Variants in TBC1D5 observed in about 807,000 individuals in gnomAD.
TBC1D5 encodes TBC1 domain family, member 5.
TBC1D5 carries 75 observed loss-of-function variants against 100.3 expected under a neutral mutation model. That is an observed-to-expected ratio of 0.75 (90% CI 0.62 to 0.91). TBC1D5 has a LOEUF of 0.91. Among genes scored for constraint, TBC1D5 ranks in the 40% least tolerant of loss-of-function variants. TBC1D5 has a pLI of 0.00. For synonymous variants in TBC1D5, 323 were observed against 325.6 expected (o/e 0.99, Z 0.09); for missense variants, 910 against 942.4 (o/e 0.97, Z 0.45).
intron 8 of TBC1D5, among the ~76,000 whole-genome samples, chr3:17,387,574 C>T (rs1311625599): frequency 6.6e-6 from 1 of 151,794 alleles, no homozygotes; most frequent in Non-Finnish European, 1.5e-5. Context: ...AGTAGCATTT[C>T]TAGGAATAGT....
intron 15 of TBC1D5, among the ~76,000 whole-genome samples, chr3:17,266,679 G>T (rs1344907247): frequency 1.3e-5 from 2 of 152,038 alleles, no homozygotes; most frequent in Non-Finnish European, 2.9e-5. Context: ...AATTAATACA[G>T]ATTTTCATTA....
At chr3:17,316,871 G>C (rs1239943097) in intron 13 of TBC1D5, among the ~76,000 whole-genome samples, 1 of 152,154 alleles carries the variant, frequency 6.6e-6, no homozygotes, top group Admixed American at 6.5e-5. Flanking sequence ...TTGATCATAA[G>C]ACTGGTATGA....
intron 13 of TBC1D5, among the ~76,000 whole-genome samples, chr3:17,362,483 CTT>C (rs566034115): frequency 6.8e-6 from 1 of 146,876 alleles, no homozygotes. Context: ...CGTAGACTGA[CTT>C]TTTTTTTTTT....
chr3:17,365,181 T>C (rs1028365680), intron 13 of TBC1D5, among the ~76,000 whole-genome samples: 19 of 152,326 alleles, frequency 1.2e-4, no homozygotes, highest in Middle Eastern at 3.4e-3. Flanking sequence ...TCTTACTGGT[T>C]ACATTGCTTT....
intron 19 of TBC1D5, among the ~76,000 whole-genome samples, chr3:17,171,152 G>GT (rs2067137243): frequency 1.3e-5 from 2 of 152,144 alleles, no homozygotes; most frequent in Admixed American, 1.3e-4. Context: ...GCTTGCAGGG[G>GT]TAAGTTGAGA....
chr3:17,347,149 C>T (rs1294898650), intron 13 of TBC1D5, among the ~76,000 whole-genome samples: 2 of 152,062 alleles, frequency 1.3e-5, no homozygotes, highest in African/African-American at 4.8e-5. Flanking sequence ...GCCCAGGAGT[C>T]AGAGATAAGG....
intron 4 of TBC1D5, among the ~76,000 whole-genome samples, chr3:17,409,293 G>A (rs2093857934): frequency 6.6e-6 from 1 of 152,086 alleles, no homozygotes; most frequent in Admixed American, 6.6e-5. Flanking sequence ...TATTGTAACT[G>A]TTATGAAGCA....
intron 13 of TBC1D5, among the ~76,000 whole-genome samples, chr3:17,335,591 G>A (rs1047051910): frequency 6.6e-6 from 1 of 152,094 alleles, no homozygotes; most frequent in African/African-American, 2.4e-5. Context: ...ATACCGACTT[G>A]TACACTTAAT....
chr3:17,728,941 C>A (rs2076333058), intron 1 of TBC1D5, among the ~76,000 whole-genome samples: 1 of 119,648 alleles, frequency 8.4e-6, no homozygotes, highest in Non-Finnish European at 1.7e-5. Context: ...AATTTAAAAA[C>A]AATGTTGGGA....
At position 17,418,908 on chromosome 3, in the gene TBC1D5, C is replaced by G. The variant is rs572613107; in HGVS notation, c.167+9542G>C. Among the ~76,000 whole-genome samples the G allele has an allele frequency of 3.9e-5, 6 of 152,278 alleles. No individual in the cohort carries two copies. In the East Asian group the frequency reaches 9.7e-4, roughly 25 times the overall value. ...CCGCATTCATGGTTTATACCAACCACGGACTGAGACTACAGTATTCTAAGG... is the reference window on the plus strand; with the variant it reads ...CCGCATTCATGGTTTATACCAACCAGGGACTGAGACTACAGTATTCTAAGG... On this transcript the variant is annotated intron_variant, in intron 4 of 21. Transcript: ENST00000253692.
chr3:17,483,607 T>C (rs971720328), intron 3 of TBC1D5, among the ~76,000 whole-genome samples: 1 of 152,174 alleles, frequency 6.6e-6, no homozygotes, highest in African/African-American at 2.4e-5. Flanking sequence ...TATGCAATAA[T>C]TACAAAACTC....
At chr3:17,395,026 G>A (rs1344693771) in intron 8 of TBC1D5, among the ~76,000 whole-genome samples, 7 of 151,998 alleles carry the variant, frequency 4.6e-5, no homozygotes, top group African/African-American at 1.7e-4. Context: ...AAATCTCCAA[G>A]AGGCTAATAA....
chr3:17,550,382 GC>G (rs1406548552), intron 2 of TBC1D5, among the ~76,000 whole-genome samples: 1 of 152,052 alleles, frequency 6.6e-6, no homozygotes, highest in Non-Finnish European at 1.5e-5. Context: ...TGATTCCACT[GC>G]CTATAATTTC....
intron 8 of TBC1D5, among the ~76,000 whole-genome samples, chr3:17,392,448 G>A (rs1478604373): frequency 6.6e-6 from 1 of 151,936 alleles, no homozygotes; most frequent in East Asian, 1.9e-4. Context: ...CACATGCCAT[G>A]GTGGTTTGCT....
chr3:17,694,540 T>A (rs1239828560), intron 1 of TBC1D5, among the ~76,000 whole-genome samples: 1 of 151,770 alleles, frequency 6.6e-6, no homozygotes, highest in Admixed American at 6.6e-5. Flanking sequence ...GGAGACAGGG[T>A]TAGAGAAAAA....
chr3:17,254,941 T>C (rs2077507558), intron 16 of TBC1D5, among the ~76,000 whole-genome samples: 2 of 152,012 alleles, frequency 1.3e-5, no homozygotes, highest in South Asian at 4.1e-4. Context: ...AGTGTGGGAG[T>C]AGAATCAACA....
In TBC1D5 at chr3:17,591,493, C is replaced by T. The variant is rs147317137; in HGVS notation, c.-36+32356G>A. Among the ~76,000 whole-genome samples, 468 of 152,148 alleles carry T rather than the reference C, an allele frequency of 3.1e-3. 5 individuals are homozygous for T. The highest frequency in any genetic ancestry group is 0.011 in the African/African-American group (442 of 41,508). ...GGGAAAGAGAAATGATCAGACATTT[C>T]GGGGGACTACTGGACACTGGCTCTG... On this transcript the variant is annotated intron_variant, in intron 2 of 21. Coordinates refer to ENST00000253692, the Ensembl canonical transcript of TBC1D5.
chr3:17,467,699 ACCC>A (rs1402618489), intron 3 of TBC1D5, among the ~76,000 whole-genome samples: 1 of 151,828 alleles, frequency 6.6e-6, no homozygotes, highest in African/African-American at 2.4e-5. Flanking sequence ...ACATGGCAAA[ACCC>A]CATCTCTACT....
intron 13 of TBC1D5, among the ~76,000 whole-genome samples, chr3:17,349,376 TGAGA>T (rs1405282587): frequency 6.6e-6 from 1 of 152,180 alleles, no homozygotes; most frequent in Non-Finnish European, 1.5e-5. Context: ...GGATGACACT[TGAGA>T]ATCACTGGTA....
Sources: gnomAD v4.1 joint callset for allele counts (sites outside exome capture counted in the v4.1 genomes callset) on GRCh38, gnomAD v4.1.1 for gene constraint, MANE v1.5 for transcripts, NCBI Gene and HGNC (gene_info 2026-07-23, HGNC 2026-07-21) for gene names.